TRIM34: variants seen among roughly 807,000 people sequenced by gnomAD.
TRIM34 encodes tripartite motif containing 34, also known as E3 ubiquitin-protein ligase TRIM34.
In TRIM34, 41 loss-of-function variants were observed where a neutral mutation model predicts 38.1. That is an observed-to-expected ratio of 1.08 (90% CI 0.84 to 1.40). The LOEUF (loss-of-function observed/expected upper bound fraction) is 1.40. Ranked by LOEUF, TRIM34 falls within the 40% of genes most tolerant of loss-of-function variation. The probability of loss-of-function intolerance (pLI) is 0.00; values close to 1 mark genes in which losing one functional copy is unlikely to be tolerated. For synonymous variants in TRIM34, 200 were observed against 202.5 expected (o/e 0.99, Z 0.10); for missense variants, 556 against 571.4 (o/e 0.97, Z 0.27).
intron 1 of TRIM34, among the ~76,000 whole-genome samples, chr11:5,630,410 ACCT>A (rs962087524): frequency 1.2e-4 from 18 of 151,360 alleles, no homozygotes; most frequent in Non-Finnish European, 1.5e-5. Context: ...CCCTGCCCCC[ACCT>A]CCTATTCATT....
chr11:5,632,256 C>T lies in TRIM34; in HGVS notation c.-76C>T, dbSNP rs1455694004. The T allele has an allele frequency of 6.3e-7, 1 of 1,594,060 alleles. No individual in the cohort carries two copies. The highest frequency in any genetic ancestry group is 8.5e-7 in the Non-Finnish European group (1 of 1,172,722). On this transcript the variant is annotated splice_region_variant and 5_prime_UTR_variant, in exon 2 of 8. Coordinates refer to ENST00000429814, the MANE Select transcript of TRIM34 (RefSeq NM_021616.6). ...ACCATCCCCTTTCAATCTTCTCAGC[C>T]ATCCAGGGGTCTTTAACCAGAAGAG... is the stretch of plus-strand genomic sequence containing the variant.
chr11:5,633,956 A>T, intron 3 of TRIM34, 57 bp downstream of exon 3: 1 of 1,589,460 alleles, frequency 6.3e-7, no homozygotes, highest in East Asian at 2.2e-5. Context: ...ACCTTAATCC[A>T]AGGAGGCCTC....
chr11:5,627,935 TAGG>T (rs1250524820), intron 1 of TRIM34, among the ~76,000 whole-genome samples: 1 of 152,204 alleles, frequency 6.6e-6, no homozygotes, highest in East Asian at 1.9e-4. Flanking sequence ...ATCCAGATGT[TAGG>T]AGTCCAGATG....
At chr11:5,641,069 C>A in intron 4 of TRIM34, 98 bp from the exon 5 acceptor site, 1 of 1,454,676 alleles carries the variant, frequency 6.9e-7, no homozygotes, top group South Asian at 1.5e-5. Flanking sequence ...TAACTCACTT[C>A]TGATTTTTCC....
upstream of TRIM34, among the ~76,000 whole-genome samples, chr11:5,623,600 T>G (rs1004602083): frequency 6.6e-6 from 1 of 150,694 alleles, no homozygotes; most frequent in African/African-American, 2.4e-5. Flanking sequence ...CAGGGTGGTC[T>G]CGAACTCCTG....
rs1406646991 is a variant in TRIM34, at chr11:5,627,248, C to T, written c.-78+2188C>T. On this transcript the variant is annotated intron_variant, in intron 1 of 7. Coordinates refer to ENST00000429814, the MANE Select transcript of TRIM34 (RefSeq NM_021616.6). ...TACAAAAATTAGCTGGGCGTTGTGG[C>T]AGGCACCTGTAATCCCAGCTACTCG... Among the ~76,000 whole-genome samples the T allele has an allele frequency of 2.0e-5, 3 of 151,862 alleles. No individual in the cohort carries two copies. In the East Asian group the frequency reaches 5.8e-4, roughly 29 times the overall value.
chr11:5,643,944 G>T lies in TRIM34; in HGVS notation c.*235G>T. The T allele has an allele frequency of 3.7e-6, 2 of 539,944 alleles. No homozygotes were observed. The highest frequency in any genetic ancestry group is 6.2e-6 in the Non-Finnish European group (2 of 322,140). 33.4% of individuals were successfully genotyped at this position (539,944 alleles called of 1,614,324 possible). ...TCCCTCCTAAAGACACAGCAGTATG[G>T]GTATAACATCCTTGCCTTCCCATTT... is the stretch of plus-strand genomic sequence containing the variant. On this transcript the variant is annotated 3_prime_UTR_variant, in exon 8 of 8. Transcript: ENST00000429814.
upstream of TRIM34, among the ~76,000 whole-genome samples, chr11:5,624,203 C>A (rs978914495): frequency 6.6e-6 from 1 of 152,036 alleles, no homozygotes; most frequent in African/African-American, 2.4e-5. Context: ...CTCAGATTCG[C>A]GTAAAAATTA....
At chr11:5,634,529 ACAT>A (rs1554920636) in intron 3 of TRIM34, 99 bp from the exon 4 acceptor site, 2 of 579,616 alleles carry the variant, frequency 3.5e-6, no homozygotes, top group Non-Finnish European at 5.1e-6. Context: ...ACACACACAC[ACAT>A]ATATATATAT....
upstream of TRIM34, among the ~76,000 whole-genome samples, chr11:5,621,833 C>T (rs575329903): frequency 6.6e-6 from 1 of 152,214 alleles, no homozygotes; most frequent in East Asian, 1.9e-4. Flanking sequence ...CTGGAAGCCC[C>T]CTCCCTGCTT....
intron 4 of TRIM34, 83 bp from the exon 5 acceptor site, chr11:5,641,084 T>C: frequency 6.7e-7 from 1 of 1,494,126 alleles, no homozygotes; most frequent in Non-Finnish European, 9.0e-7. Context: ...TTTTCCATTT[T>C]TTTTCCTACT....
chr11:5,623,924 T>C (rs1469435543), upstream of TRIM34, among the ~76,000 whole-genome samples: 9 of 152,192 alleles, frequency 5.9e-5, no homozygotes, highest in Non-Finnish European at 1.2e-4. Flanking sequence ...CCTTTTATTA[T>C]GTAATGTGCT....
chr11:5,643,857 G>C lies in TRIM34; in HGVS notation c.*148G>C, dbSNP rs1240971518. The C allele has an allele frequency of 1.6e-5, 17 of 1,050,020 alleles. No individual in the cohort carries two copies. The allele number at this position is 1,050,020 out of a possible 1,614,324, so 65.0% of individuals were successfully genotyped here. ...GAGATGTATGGTGTATTTGGCTTGA[G>C]TTATGAGAGATGCTTATTTATTCAT... On this transcript the variant is annotated 3_prime_UTR_variant, in exon 8 of 8. Transcript: ENST00000429814.
chr11:5,642,713 C>G, intron 6 of TRIM34, 104 bp from the exon 7 acceptor site: 1 of 1,512,166 alleles, frequency 6.6e-7, no homozygotes, highest in Non-Finnish European at 8.9e-7. Context: ...TAGCTCACAG[C>G]TTCATGGTAT....
intron 4 of TRIM34, among the ~76,000 whole-genome samples, chr11:5,640,278 C>T (rs8181493): frequency 0.28 from 43,246 of 151,960 alleles, 6,949 homozygotes; most frequent in East Asian, 0.62. Context: ...TTTTATCAGG[C>T]TGAGGGACCT....
chr11:5,640,339 T>A (rs939364777), intron 4 of TRIM34, among the ~76,000 whole-genome samples: 4 of 152,058 alleles, frequency 2.6e-5, no homozygotes, highest in Admixed American at 2.6e-4. Context: ...GTTTTTTTTA[T>A]GAAAGTGTGC....
At position 5,633,805 on chromosome 11, in the gene TRIM34, A is replaced by G; in HGVS notation, c.425A>G (p.Glu142Gly). The change falls in exon 3 of 8, where the codon GAG (glutamate) becomes GGG (glycine). Residue 142 changes from glutamate to glycine, a missense_variant and splice_region_variant. By Grantham distance (98) the Glu-to-Gly change is moderately conservative. Coordinates refer to ENST00000429814, the MANE Select transcript of TRIM34 (RefSeq NM_021616.6). ...TGTAGTGTGATTCCCTTCTCATAGG[A>G]GAAACTCCAGGCAGTCCTCAAGAGG... ...LTEEVFKECQ[E>G]KLQAVLKRLK... 6.2e-7 allele frequency: 1 copy of G among 1,613,576 alleles called. No homozygotes were observed. The highest frequency in any genetic ancestry group is 1.7e-5 in the Admixed American group (1 of 59,958).
chr11:5,629,284 A>T (rs951107142), intron 1 of TRIM34, among the ~76,000 whole-genome samples: 1 of 152,168 alleles, frequency 6.6e-6, no homozygotes, highest in African/African-American at 2.4e-5. Flanking sequence ...CTCAAAAAAA[A>T]ACAAAAACTA....
intron 1 of TRIM34, among the ~76,000 whole-genome samples, chr11:5,627,589 T>A (rs929670706): frequency 2.6e-5 from 4 of 152,184 alleles, no homozygotes; most frequent in African/African-American, 9.7e-5. Flanking sequence ...AAAAAATAGC[T>A]TTTTGGAGAT....
Sources: allele counts gnomAD v4.1 joint callset (sites outside exome capture counted in the v4.1 genomes callset), GRCh38; gene constraint gnomAD v4.1.1; transcripts MANE v1.5; gene names NCBI Gene and HGNC (gene_info 2026-07-23, HGNC 2026-07-21).